The following RSRC1 variants were observed in gnomAD, a reference collection of about 807,000 sequenced individuals.
The protein encoded by RSRC1 is serine/Arginine-related protein 53.
A neutral mutation model predicts 49.1 loss-of-function variants in RSRC1; 39 were observed. The observed-to-expected ratio is 0.79, with a 90% confidence interval of 0.61 to 1.04. RSRC1 has a LOEUF of 1.04. Among genes scored for constraint, RSRC1 ranks in the 50% least tolerant of loss-of-function variants. RSRC1 has a pLI of 0.00. For synonymous variants in RSRC1, 143 were observed against 130.8 expected, an observed-to-expected ratio of 1.09 and a Z score of -0.63; for missense variants, 388 against 402.4, an observed-to-expected ratio of 0.96 and a Z score of 0.31.
intron 7 of RSRC1, among the ~76,000 whole-genome samples, chr3:158,477,798 T>TTTTTTATATATATATATATATATATATA (rs1485762587): frequency 4.5e-5 from 4 of 89,770 alleles, no homozygotes; most frequent in Non-Finnish European, 6.8e-5. Context: ...CGGGAGGGAT[T>TTTTTTATATATATATATATATATATATA]TATATATATA....
Position 158,518,150 on chromosome 3 carries a change from T to A in RSRC1, c.653-18942T>A, listed in dbSNP as rs11923381. Reference sequence around the variant, plus strand: ...TGTATATATATATATATATATATATTTTTTTTTTTTTTTTTTTTACTCCCA... The same window carrying A: ...TGTATATATATATATATATATATATATTTTTTTTTTTTTTTTTTACTCCCA... On this transcript the variant is annotated intron_variant, in intron 7 of 9. Transcript: ENST00000611884. Among the ~76,000 whole-genome samples, 586 of 83,292 alleles carry A rather than the reference T, an allele frequency of 7.0e-3. 1 individual carries two copies. Among genetic ancestry groups the A allele is most frequent in the African/African-American group, 0.019 (322 of 17,288 alleles). 54.6% of individuals were successfully genotyped at this position (83,292 alleles called of 152,430 possible).
intron 6 of RSRC1, among the ~76,000 whole-genome samples, chr3:158,388,856 G>A (rs113338360): frequency 1.3e-5 from 2 of 152,096 alleles, no homozygotes; most frequent in Admixed American, 6.5e-5. Context: ...TGATCCGCCC[G>A]CCTCGGCCTC....
intron 3 of RSRC1, among the ~76,000 whole-genome samples, chr3:158,140,954 C>T (rs1406095663): frequency 6.6e-6 from 1 of 152,172 alleles, no homozygotes; most frequent in Non-Finnish European, 1.5e-5. Flanking sequence ...GGAAGCAAAG[C>T]TCTCAGGCAC....
chr3:158,323,533 T>C (rs1176074235), intron 5 of RSRC1, among the ~76,000 whole-genome samples: 1 of 152,192 alleles, frequency 6.6e-6, no homozygotes, highest in Non-Finnish European at 1.5e-5. Context: ...TATGGCTCTC[T>C]CACTTCTAAA....
chr3:158,239,479 G>A (rs369993731), intron 4 of RSRC1, among the ~76,000 whole-genome samples: 2 of 151,488 alleles, frequency 1.3e-5, no homozygotes, highest in East Asian at 3.9e-4. Flanking sequence ...GAAATAGACT[G>A]GATTAAGAAA....
At position 158,539,332 on chromosome 3, in the gene RSRC1, AT is replaced by A. The variant is rs904189271; in HGVS notation, c.759+2136del. Among the ~76,000 whole-genome samples the A allele has an allele frequency of 1.7e-3, 262 of 152,218 alleles. No individual in the cohort carries two copies. The highest frequency in any genetic ancestry group is 5.3e-3 in the African/African-American group (219 of 41,580). On this transcript the variant is annotated intron_variant, in intron 8 of 9. Coordinates refer to ENST00000611884, the MANE Select transcript of RSRC1 (RefSeq NM_001271838.2). The surrounding 1 kb of genome is among the most constrained non-coding windows in gnomAD (Gnocchi z 4.1). ...GGCTATTACCAGTGACATGCTAGAC[AT>A]TGTGTCTCCTGCAACACATATTGAT...
intron 6 of RSRC1, among the ~76,000 whole-genome samples, chr3:158,395,797 A>G (rs570189839): frequency 6.6e-6 from 1 of 152,276 alleles, no homozygotes; most frequent in African/African-American, 2.4e-5. Flanking sequence ...ACACAGAACT[A>G]CCATTTGACC....
At chr3:158,511,390 G>C (rs549369821) in intron 7 of RSRC1, among the ~76,000 whole-genome samples, 1 of 152,028 alleles carries the variant, frequency 6.6e-6, no homozygotes, top group South Asian at 2.1e-4. Flanking sequence ...TTTTGTTCTT[G>C]CGATAGTTTA....
At chr3:158,380,645 T>G (rs1732651746) in intron 6 of RSRC1, among the ~76,000 whole-genome samples, 1 of 152,184 alleles carries the variant, frequency 6.6e-6, no homozygotes. Context: ...ATATTTTATA[T>G]GAGTTTGGTA....
intron 5 of RSRC1, among the ~76,000 whole-genome samples, chr3:158,327,873 CTTTG>C (rs1729264489): frequency 1.3e-5 from 2 of 152,110 alleles, no homozygotes; most frequent in South Asian, 4.1e-4. Flanking sequence ...GTCTAAGTCT[CTTTG>C]TAGGTCTCTA....
In RSRC1 at chr3:158,518,126, GTATA is replaced by G. The variant is rs1322921127; in HGVS notation, c.653-18946_653-18943del. Reference sequence around the variant, plus strand: ...TGTGTGTGTGTGTGTGTGTGTGTGTGTATATATATATATATATATATATTTTTTT... The same window carrying G: ...TGTGTGTGTGTGTGTGTGTGTGTGTGTATATATATATATATATATTTTTTT... On this transcript the variant is annotated intron_variant, in intron 7 of 9. Transcript: ENST00000611884. 1.1e-3 allele frequency among the ~76,000 whole-genome samples: 77 copies of G among 68,840 alleles called. 1 individual carries two copies. In the East Asian group the frequency reaches 0.017, roughly 15 times the overall value. 45.2% of individuals were successfully genotyped at this position (68,840 alleles called of 152,430 possible).
chr3:158,441,756 T>C (rs1480367877), intron 6 of RSRC1, among the ~76,000 whole-genome samples: 1 of 152,028 alleles, frequency 6.6e-6, no homozygotes, highest in Admixed American at 6.6e-5. Flanking sequence ...TAAAGCAAAA[T>C]TGACACGATT....
intron 1 of RSRC1, among the ~76,000 whole-genome samples, chr3:158,115,201 C>A (rs1224890029): frequency 6.6e-6 from 1 of 151,968 alleles, no homozygotes; most frequent in Non-Finnish European, 1.5e-5. Context: ...CTTTCATTAA[C>A]CTGTGTTAAA....
chr3:158,143,320 A>G (rs1716866201), intron 3 of RSRC1, among the ~76,000 whole-genome samples: 1 of 152,184 alleles, frequency 6.6e-6, no homozygotes, highest in Non-Finnish European at 1.5e-5. Flanking sequence ...TGGCCTTTCC[A>G]CTTTTAAAGA....
chr3:158,195,216 T>A (rs1720512724), intron 3 of RSRC1, among the ~76,000 whole-genome samples: 2 of 152,204 alleles, frequency 1.3e-5, no homozygotes, highest in Non-Finnish European at 2.9e-5. Flanking sequence ...GATATCTCAT[T>A]GTGGTTTTGA....
chr3:158,215,953 T>G (rs1473781062), intron 4 of RSRC1, among the ~76,000 whole-genome samples: 1 of 151,672 alleles, frequency 6.6e-6, no homozygotes, highest in East Asian at 1.9e-4. Flanking sequence ...TTTAATTATT[T>G]TTCATCTTTG....
intron 6 of RSRC1, among the ~76,000 whole-genome samples, chr3:158,455,450 T>C (rs987604523): frequency 7.2e-5 from 11 of 152,120 alleles, no homozygotes; most frequent in South Asian, 2.1e-4. Flanking sequence ...CCCCAAATCA[T>C]TTAAAATCTA....
At chr3:158,514,514 G>C (rs1203786626) in intron 7 of RSRC1, among the ~76,000 whole-genome samples, 1 of 152,102 alleles carries the variant, frequency 6.6e-6, no homozygotes, top group African/African-American at 2.4e-5. Context: ...TTTTACATTT[G>C]CTGAGGAGAG....
chr3:158,259,827 C>G (rs1484513423), intron 4 of RSRC1, among the ~76,000 whole-genome samples: 1 of 152,178 alleles, frequency 6.6e-6, no homozygotes, highest in African/African-American at 2.4e-5. Context: ...CCCCTTTTCT[C>G]AAGCTAAGGA....
Sources: gnomAD v4.1 joint callset for allele counts (sites outside exome capture counted in the v4.1 genomes callset) on GRCh38, gnomAD v4.1.1 for gene constraint, Gnocchi (gnomAD v3.1) non-coding constraint, MANE v1.5 for transcripts, NCBI Gene and HGNC (gene_info 2026-07-23, HGNC 2026-07-21) for gene names.